Variants in FGF14 observed in about 807,000 individuals in gnomAD.
FGF14 encodes fibroblast growth factor 14.
A neutral mutation model predicts 25.5 loss-of-function variants in FGF14; 5 were observed. The ratio of observed to expected loss-of-function variants is 0.20; its 90% CI spans 0.10 to 0.41. FGF14 has a LOEUF of 0.41. Ranked by LOEUF, FGF14 falls within the 10% of genes least tolerant of loss-of-function variation. The pLI, the probability that FGF14 is intolerant of heterozygous loss-of-function variation, is 1.00. For missense variants in FGF14, 222 were observed against 320.1 expected (o/e 0.69, Z 2.34); for synonymous variants, 138 against 118.3 (o/e 1.17, Z -1.08).
At chr13:102,280,364 T>C (rs138112647) in intron 1 of FGF14, among the ~76,000 whole-genome samples, 1 of 152,044 alleles carries the variant, frequency 6.6e-6, no homozygotes, top group Non-Finnish European at 1.5e-5. Flanking sequence ...AGTGGGGGAG[T>C]ATGACCCAAG....
At chr13:102,370,375 T>C (rs1038337074) in intron 1 of FGF14, among the ~76,000 whole-genome samples, 6 of 152,166 alleles carry the variant, frequency 3.9e-5, no homozygotes, top group African/African-American at 1.2e-4. Context: ...TTAGTGATTA[T>C]GGGTACATAA....
At chr13:101,841,864 C>T (rs2043211421) in intron 3 of FGF14, among the ~76,000 whole-genome samples, 1 of 151,840 alleles carries the variant, frequency 6.6e-6, no homozygotes, top group South Asian at 2.1e-4. Flanking sequence ...CATTCCTCAC[C>T]CCTCCCACCT....
chr13:102,362,732 T>C (rs1363078559), intron 1 of FGF14, among the ~76,000 whole-genome samples: 2 of 152,158 alleles, frequency 1.3e-5, no homozygotes, highest in Non-Finnish European at 2.9e-5. Context: ...CCCACACCAC[T>C]ATTTTATCCA....
intron 1 of FGF14, among the ~76,000 whole-genome samples, chr13:102,091,564 T>C (rs2044165668): frequency 6.6e-6 from 1 of 152,130 alleles, no homozygotes; most frequent in African/African-American, 2.4e-5. Context: ...TTCCCTCAAA[T>C]ACCAGCCGGC....
chr13:102,159,738 A>T (rs1421209380), intron 1 of FGF14, among the ~76,000 whole-genome samples: 3 of 152,250 alleles, frequency 2.0e-5, no homozygotes, highest in Non-Finnish European at 2.9e-5. Context: ...GTGCCAAATT[A>T]CAACATACAG....
chr13:101,744,634 T>TG (rs1385597213), intron 3 of FGF14, among the ~76,000 whole-genome samples: 1 of 152,064 alleles, frequency 6.6e-6, no homozygotes, highest in Admixed American at 6.6e-5. Flanking sequence ...GGATTGTATG[T>TG]GGGGGAATAC....
chr13:102,374,647 TATATATATA>T (rs2057987177), intron 1 of FGF14, among the ~76,000 whole-genome samples: 5 of 1,454 alleles, frequency 3.4e-3, no homozygotes, highest in African/African-American at 7.7e-3. Context: ...ACATATTTTA[TATATATATA>T]TATATATATA....
At chr13:101,792,660 A>T in intron 3 of FGF14, among the ~76,000 whole-genome samples, 1 of 152,144 alleles carries the variant, frequency 6.6e-6, no homozygotes, top group East Asian at 1.9e-4. Flanking sequence ...TCTTGTGCAC[A>T]AGTATTTTCT....
chr13:101,965,303 G>C (rs979003735), intron 1 of FGF14, among the ~76,000 whole-genome samples: 1 of 151,218 alleles, frequency 6.6e-6, no homozygotes, highest in Non-Finnish European at 1.5e-5. Context: ...TATTGCAAAC[G>C]CTACACATGC....
chr13:102,189,433 T>C (rs780913795), intron 1 of FGF14, among the ~76,000 whole-genome samples: 11 of 152,028 alleles, frequency 7.2e-5, no homozygotes, highest in Non-Finnish European at 1.3e-4. Flanking sequence ...CAATTAAGAA[T>C]TAAGAAGTAA....
chr13:102,096,673 A>G (rs887702237), intron 1 of FGF14, among the ~76,000 whole-genome samples: 2 of 152,160 alleles, frequency 1.3e-5, no homozygotes, highest in Non-Finnish European at 2.9e-5. Context: ...GCAGTTTCCA[A>G]CTGTCAGAGG....
At chr13:102,204,106 A>C (rs1314644909) in intron 1 of FGF14, among the ~76,000 whole-genome samples, 2 of 152,180 alleles carry the variant, frequency 1.3e-5, no homozygotes, top group African/African-American at 4.8e-5. Flanking sequence ...CAATATCCAA[A>C]ATTGTGATTT....
rs534598800 is a variant in FGF14 at position 101,878,714 on chromosome 13, A to C, written c.194-3418T>G. ...ACATGAAATTAGCCAAAAGAGTTTGAAAATGTAAAGACAATCTGAAATATA... is the reference window on the plus strand; with the variant it reads ...ACATGAAATTAGCCAAAAGAGTTTGCAAATGTAAAGACAATCTGAAATATA... On this transcript the variant is annotated intron_variant, in intron 1 of 4. Coordinates refer to ENST00000376143, the MANE Select transcript of FGF14 (RefSeq NM_004115.4). Among the ~76,000 whole-genome samples, 12 of 152,290 alleles carry C rather than the reference A, an allele frequency of 7.9e-5. No individual in the cohort carries two copies. The South Asian group carries it at 2.1e-3, about 26-fold the overall frequency.
At chr13:102,057,862 G>A (rs1324175703) in intron 1 of FGF14, among the ~76,000 whole-genome samples, 1 of 152,142 alleles carries the variant, frequency 6.6e-6, no homozygotes, top group African/African-American at 2.4e-5. Context: ...GTTAATTCTT[G>A]AAGTGTCTTA....
chr13:101,976,669 C>T (rs1393125160), intron 1 of FGF14, among the ~76,000 whole-genome samples: 1 of 152,168 alleles, frequency 6.6e-6, no homozygotes, highest in East Asian at 1.9e-4. Context: ...GACACTGTGC[C>T]ATCACCCTCA....
chr13:102,085,964 G>C (rs1165759821), intron 1 of FGF14, among the ~76,000 whole-genome samples: 1 of 152,136 alleles, frequency 6.6e-6, no homozygotes, highest in Non-Finnish European at 1.5e-5. Flanking sequence ...TTTCTTAGCT[G>C]TATTAAATTG....
At chr13:101,811,780 TG>T (rs2041525305) in intron 3 of FGF14, among the ~76,000 whole-genome samples, 1 of 152,188 alleles carries the variant, frequency 6.6e-6, no homozygotes. Context: ...ACATTAACAG[TG>T]TCCTAGATTT....
chr13:101,802,370 T>C (rs1456613143), intron 3 of FGF14: 2 of 201,376 alleles, frequency 9.9e-6, no homozygotes, highest in Non-Finnish European at 2.0e-5. Flanking sequence ...AGCACCCCAC[T>C]AAAGTTGCCT....
At chr13:101,842,893 G>T (rs1440282911) in intron 3 of FGF14, among the ~76,000 whole-genome samples, 1 of 152,044 alleles carries the variant, frequency 6.6e-6, no homozygotes, top group Non-Finnish European at 1.5e-5. Context: ...ACACCTTTGA[G>T]GATAAAAGAG....
Sources: gnomAD v4.1 joint callset for allele counts (sites outside exome capture counted in the v4.1 genomes callset) on GRCh38, gnomAD v4.1.1 for gene constraint, MANE v1.5 for transcripts, NCBI Gene and HGNC (gene_info 2026-07-23, HGNC 2026-07-21) for gene names.